Variants in FBXL7 observed in about 807,000 individuals in gnomAD.
FBXL7 encodes the protein F-box and leucine rich repeat protein 7.
FBXL7 carries 12 observed loss-of-function variants against 38.3 expected under a neutral mutation model. The ratio of observed to expected loss-of-function variants is 0.31; its 90% CI spans 0.20 to 0.51. The LOEUF is 0.51. FBXL7 is among the 20% of genes least tolerant of loss of function. FBXL7 has a pLI of 0.98. For synonymous variants in FBXL7, 297 were observed against 300.9 expected (o/e 0.99, Z 0.13); for missense variants, 567 against 676.4 (o/e 0.84, Z 1.79).
At chr5:15,731,357 A>G (rs550225833) in intron 2 of FBXL7, among the ~76,000 whole-genome samples, 2 of 151,808 alleles carry the variant, frequency 1.3e-5, no homozygotes, top group East Asian at 2.0e-4. Flanking sequence ...ACAGGCAAAG[A>G]GAAAGCTTGT....
chr5:15,504,689 G>A (rs1028622553), intron 1 of FBXL7, among the ~76,000 whole-genome samples: 1 of 152,098 alleles, frequency 6.6e-6, no homozygotes, highest in African/African-American at 2.4e-5. Context: ...TTTTGTGTGT[G>A]TATATCTCTT....
intron 2 of FBXL7, among the ~76,000 whole-genome samples, chr5:15,859,449 C>T (rs114576523): frequency 2.3e-3 from 345 of 152,208 alleles, no homozygotes; most frequent in Middle Eastern, 0.01. Flanking sequence ...TTAGTCCATT[C>T]CACACTGATA....
intron 2 of FBXL7, among the ~76,000 whole-genome samples, chr5:15,619,859 T>C (rs1460448766): frequency 6.6e-6 from 1 of 152,192 alleles, no homozygotes; most frequent in African/African-American, 2.4e-5. Flanking sequence ...TGGAGGTGTA[T>C]GTATGTGTGC....
intron 2 of FBXL7, among the ~76,000 whole-genome samples, chr5:15,694,864 T>C (rs996229623): frequency 6.6e-6 from 1 of 152,184 alleles, no homozygotes; most frequent in East Asian, 1.9e-4. Context: ...AAACTAACCC[T>C]GTTCCACTGC....
chr5:15,900,162 T>A (rs1448046037), intron 2 of FBXL7, among the ~76,000 whole-genome samples: 1 of 151,992 alleles, frequency 6.6e-6, no homozygotes, highest in East Asian at 1.9e-4. Flanking sequence ...CACGAAGAAA[T>A]AAATAATTAA....
intron 2 of FBXL7, among the ~76,000 whole-genome samples, chr5:15,633,337 T>C (rs1215709728): frequency 2.0e-5 from 3 of 152,214 alleles, no homozygotes; most frequent in Middle Eastern, 3.2e-3. Context: ...AAAATTCAAT[T>C]ATTTGATTTT....
intron 2 of FBXL7, among the ~76,000 whole-genome samples, chr5:15,708,285 CT>C (rs962008923): frequency 6.6e-6 from 1 of 152,188 alleles, no homozygotes; most frequent in African/African-American, 2.4e-5. Flanking sequence ...GTAGCCCCAT[CT>C]TTAGATAGGG....
chr5:15,615,858 C>A, intron 1 of FBXL7, 125 bp from the exon 2 acceptor site: 1 of 555,790 alleles, frequency 1.8e-6, no homozygotes, highest in South Asian at 3.0e-5. Context: ...TAATAAACTC[C>A]ATTCTTTGTA....
chr5:15,616,101 T>C (rs750849146), intron 2 of FBXL7, 29 bp downstream of exon 2: 13 of 1,514,510 alleles, frequency 8.6e-6, no homozygotes, highest in Middle Eastern at 1.7e-4. Flanking sequence ...TTATCTCTCT[T>C]TCTTCTTCAC....
chr5:15,650,924 A>G (rs955615449), intron 2 of FBXL7, among the ~76,000 whole-genome samples: 1 of 152,118 alleles, frequency 6.6e-6, no homozygotes, highest in African/African-American at 2.4e-5. Flanking sequence ...GAGGTTTGGA[A>G]TCAACTTCTT....
intron 2 of FBXL7, among the ~76,000 whole-genome samples, chr5:15,895,248 G>A (rs532365682): frequency 2.0e-5 from 3 of 152,140 alleles, no homozygotes; most frequent in South Asian, 2.1e-4. Flanking sequence ...GGGGATTATA[G>A]ATAATCATTT....
chr5:15,563,498 A>G (rs1208924706), intron 1 of FBXL7, among the ~76,000 whole-genome samples: 2 of 152,106 alleles, frequency 1.3e-5, no homozygotes, highest in Non-Finnish European at 2.9e-5. Flanking sequence ...CAGTAGAGGA[A>G]CACTGGAGGT....
At chr5:15,838,343 C>G (rs1299190931) in intron 2 of FBXL7, among the ~76,000 whole-genome samples, 1 of 152,124 alleles carries the variant, frequency 6.6e-6, no homozygotes, top group Admixed American at 6.5e-5. Context: ...AGATGGCCAT[C>G]ATCTCATTGT....
chr5:15,744,480 C>A (rs1735965095), intron 2 of FBXL7, among the ~76,000 whole-genome samples: 1 of 152,170 alleles, frequency 6.6e-6, no homozygotes, highest in East Asian at 1.9e-4. Context: ...TGTTCAAGAC[C>A]ATTCAACAAG....
At position 15,937,553 on chromosome 5, in the gene FBXL7, C is replaced by T. The variant is rs1289693421; in HGVS notation, c.*367C>T. The T allele has an allele frequency of 5.5e-6, 1 of 183,180 alleles. No individual in the cohort carries two copies. The highest frequency in any genetic ancestry group is 3.2e-5 in the African/African-American group (1 of 30,816). 11.3% of individuals were successfully genotyped at this position (183,180 alleles called of 1,614,324 possible). A position where few individuals can be genotyped will look rare whatever the true frequency, so the allele number is the denominator to read the frequency against. On this transcript the variant is annotated 3_prime_UTR_variant, in exon 4 of 4. Transcript: ENST00000504595. Reference sequence around the variant, plus strand: ...CCACCCCCACAGTTCCACGCCCCCCCCCCAAGGCCACACCCTCCCTCCCTA... The same window carrying T: ...CCACCCCCACAGTTCCACGCCCCCCTCCCAAGGCCACACCCTCCCTCCCTA...
chr5:15,603,865 G>C (rs1739896027), intron 1 of FBXL7, among the ~76,000 whole-genome samples: 1 of 152,176 alleles, frequency 6.6e-6, no homozygotes, highest in African/African-American at 2.4e-5. Flanking sequence ...GGCCAGGTGT[G>C]GTGGCTCACA....
intron 2 of FBXL7, among the ~76,000 whole-genome samples, chr5:15,675,464 G>T (rs1269461402): frequency 1.3e-5 from 2 of 152,206 alleles, no homozygotes; most frequent in African/African-American, 4.8e-5. Context: ...AAAGGCTGTT[G>T]AATTGCTTCC....
At chr5:15,670,231 A>C (rs1241904080) in intron 2 of FBXL7, among the ~76,000 whole-genome samples, 1 of 152,246 alleles carries the variant, frequency 6.6e-6, no homozygotes, top group African/African-American at 2.4e-5. Context: ...TCTTTCTTCC[A>C]TCTGAATGAA....
chr5:15,556,316 C>T (rs948208106), intron 1 of FBXL7, among the ~76,000 whole-genome samples: 7 of 151,960 alleles, frequency 4.6e-5, no homozygotes, highest in African/African-American at 1.7e-4. Context: ...TGTGTCTGAG[C>T]CCAAGCAGCC....
Sources: allele counts gnomAD v4.1 joint callset (sites outside exome capture counted in the v4.1 genomes callset), GRCh38; gene constraint gnomAD v4.1.1; transcripts MANE v1.5; gene names NCBI Gene and HGNC (gene_info 2026-07-23, HGNC 2026-07-21).